Variants in OTUD4 observed in about 807,000 individuals in gnomAD.
OTUD4 encodes the protein OTU deubiquitinase 4.
Under a neutral mutation model 130.4 loss-of-function variants are expected in OTUD4, and 24 were observed. That is an observed-to-expected ratio of 0.18 (90% CI 0.13 to 0.26). OTUD4 has a LOEUF of 0.26. Ranked by LOEUF, OTUD4 falls within the 10% of genes least tolerant of loss-of-function variation. OTUD4 has a pLI of 1.00. For synonymous variants in OTUD4, 420 were observed against 472.5 expected, an observed-to-expected ratio of 0.89 and a Z score of 1.44; for missense variants, 1,031 against 1,329.4, an observed-to-expected ratio of 0.78 and a Z score of 3.49.
intron 3 of OTUD4, among the ~76,000 whole-genome samples, chr4:145,170,617 T>C (rs1000704903): frequency 1.3e-5 from 2 of 152,210 alleles, no homozygotes; most frequent in Non-Finnish European, 2.9e-5. Context: ...ACTTTTTTGT[T>C]ATCTACATTA....
At chr4:145,159,670 A>C (rs746339847) in intron 6 of OTUD4, 35 bp from the exon 7 acceptor site, 1 of 1,605,160 alleles carries the variant, frequency 6.2e-7, no homozygotes, top group South Asian at 1.1e-5. Flanking sequence ...TCCAACATTA[A>C]CTACAGGCAG....
rs1016114669 is a variant in OTUD4, at chr4:145,180,356, AC to A, written c.-384del. Among the ~76,000 whole-genome samples the A allele has an allele frequency of 5.5e-5, 8 of 144,692 alleles. No individual in the cohort carries two copies. Among genetic ancestry groups the A allele is most frequent in the African/African-American group, 7.7e-5 (3 of 39,038 alleles). The allele number at this position is 144,692 out of a possible 152,430, so 94.9% of individuals were successfully genotyped here. On this transcript the variant is annotated 5_prime_UTR_variant, in exon 1 of 21. Coordinates refer to ENST00000447906, the MANE Select transcript of OTUD4 (RefSeq NM_001366057.1). ...CTCCGTACCGGTGTGAAGCGAGAAA[AC>A]CCCCGCCCCTGGCGCGCACGCTGGG...
intron 3 of OTUD4, among the ~76,000 whole-genome samples, chr4:145,169,044 A>C (rs1022496460): frequency 3.9e-5 from 6 of 152,270 alleles, no homozygotes; most frequent in Non-Finnish European, 8.8e-5. Flanking sequence ...CAAATACATA[A>C]GACTACAAAC....
chr4:145,159,175 G>T, intron 7 of OTUD4: 1 of 1,062,412 alleles, frequency 9.4e-7, no homozygotes, highest in Non-Finnish European at 1.1e-6. Context: ...TCATTACTGG[G>T]TATGTGAACA....
In OTUD4 at chr4:145,143,480, TCA is replaced by T. The variant is rs777413565; in HGVS notation, c.1603-37_1603-36del. 4 of 1,253,568 alleles carry T rather than the reference TCA, an allele frequency of 3.2e-6. No homozygotes were observed. In the Admixed American group the frequency reaches 5.2e-5, roughly 16 times the overall value. 77.7% of individuals were successfully genotyped at this position (1,253,568 alleles called of 1,614,324 possible). A position where few individuals can be genotyped will look rare whatever the true frequency, so the allele number is the denominator to read the frequency against. On this transcript the variant is annotated intron_variant, in intron 16 of 20. Coordinates refer to ENST00000447906, the MANE Select transcript of OTUD4 (RefSeq NM_001366057.1). ...CAAAAAAGAAGCAAAGTTTTGTATT[TCA>T]GAGACCCACATTCTGGAATATTGAT...
chr4:145,146,146 T>G, intron 14 of OTUD4, 121 bp downstream of exon 14: 1 of 530,306 alleles, frequency 1.9e-6, no homozygotes, highest in Non-Finnish European at 3.0e-6. Flanking sequence ...AAAAATGTGA[T>G]CTTTAAAGTA....
In OTUD4 at chr4:145,142,344, A is replaced by AGG. The variant is rs1750604642; in HGVS notation, c.1684-12_1684-11dup. ...CATGTTCTGCTGGCTTCTTCAAGAAAGGGGTGAGTGGGGGAAGACAGAAAA... is the reference window on the plus strand; with the variant it reads ...CATGTTCTGCTGGCTTCTTCAAGAAAGGGGGGTGAGTGGGGGAAGACAGAAAA... On this transcript the variant is annotated splice_polypyrimidine_tract_variant and intron_variant, in intron 17 of 20. Transcript: ENST00000447906. 6.2e-7 allele frequency: 1 copy of AGG among 1,613,078 alleles called. No individual in the cohort carries two copies. Among genetic ancestry groups the AGG allele is most frequent in the South Asian group, 1.1e-5 (1 of 90,890 alleles).
intron 19 of OTUD4, among the ~76,000 whole-genome samples, chr4:145,140,953 C>T (rs1433359934): frequency 2.0e-5 from 3 of 151,930 alleles, no homozygotes; most frequent in Non-Finnish European, 4.4e-5. Flanking sequence ...ATTACGAGGT[C>T]GGGAGATCGA....
chr4:145,155,270 T>C (rs753191824), intron 10 of OTUD4, 141 bp downstream of exon 10: 12 of 670,008 alleles, frequency 1.8e-5, no homozygotes, highest in Non-Finnish European at 2.8e-5. Flanking sequence ...ACTTGTAAAC[T>C]ATTAAAATGT....
At chr4:145,140,090 C>T (rs763560287) in intron 19 of OTUD4, 99 bp from the exon 20 acceptor site, 1 of 420,788 alleles carries the variant, frequency 2.4e-6, no homozygotes, top group African/African-American at 2.1e-5. Flanking sequence ...ATTTTACCTA[C>T]TATAATTGTC....
At chr4:145,140,279 C>G (rs1353795494) in intron 19 of OTUD4, among the ~76,000 whole-genome samples, 1 of 152,152 alleles carries the variant, frequency 6.6e-6, no homozygotes, top group Middle Eastern at 3.2e-3. Flanking sequence ...AAAGGACATT[C>G]AGGTGGCTTT....
intron 6 of OTUD4, among the ~76,000 whole-genome samples, chr4:145,161,111 AAACAAC>A (rs70956827): frequency 1.5e-3 from 225 of 150,808 alleles, no homozygotes; most frequent in African/African-American, 4.5e-3. Flanking sequence ...CTCCACCTCA[AAACAAC>A]AACAACAACA....
rs1750379923 is a variant in OTUD4 at position 145,138,218 on chromosome 4, T to C, written c.2557A>G (p.Ile853Val). Residue 853 changes from isoleucine to valine, a missense_variant, in exon 21 of 21, where the codon ATT becomes GTT. This residue lies in a region of OTUD4 where 900 missense variants were observed against 1,095.9 expected (regional missense o/e 0.82). Transcript: ENST00000447906. ...GPNPFLGPVP[I>V]APPFFPHVWY... Reference sequence around the variant, plus strand: ...ACATGAGGAAAGAAAGGAGGTGCAATAGGAACTGGGCCTAAGAATGGATTG... The same window carrying C: ...ACATGAGGAAAGAAAGGAGGTGCAACAGGAACTGGGCCTAAGAATGGATTG... 3.7e-6 allele frequency: 6 copies of C among 1,613,934 alleles called. No homozygotes were observed. The highest frequency in any genetic ancestry group is 5.1e-6 in the Non-Finnish European group (6 of 1,179,856).
chr4:145,155,312 A>G, intron 10 of OTUD4, 99 bp downstream of exon 10: 1 of 899,730 alleles, frequency 1.1e-6, no homozygotes, highest in Middle Eastern at 3.0e-4. Context: ...TGAAATCCCA[A>G]ATTAACAACA....
intron 14 of OTUD4, among the ~76,000 whole-genome samples, chr4:145,144,889 A>G (rs1160271878): frequency 2.0e-5 from 3 of 152,156 alleles, no homozygotes; most frequent in Admixed American, 2.0e-4. Context: ...CTGTCAGCAA[A>G]TCACTTAAAC....
intron 13 of OTUD4, 99 bp downstream of exon 13, chr4:145,150,414 G>C: frequency 1.3e-6 from 1 of 756,798 alleles, no homozygotes; most frequent in South Asian, 1.9e-5. Context: ...ACAATGATAT[G>C]AGTAAAAAGT....
chr4:145,151,422 T>G (rs946538246), intron 11 of OTUD4, among the ~76,000 whole-genome samples: 2 of 151,990 alleles, frequency 1.3e-5, no homozygotes, highest in African/African-American at 2.4e-5. Flanking sequence ...GATCACAAGG[T>G]CAGGGGTTCA....
At position 145,136,475 on chromosome 4, in the gene OTUD4, G is replaced by GC. The variant is rs1412270464; in HGVS notation, c.*954_*955insG. The GC allele has an allele frequency of 2.2e-4, 10 of 44,950 alleles. 3 individuals are homozygous for GC. Among genetic ancestry groups the GC allele is most frequent in the African/African-American group, 8.1e-4 (10 of 12,386 alleles). The allele number at this position is 44,950 out of a possible 1,614,324, so 2.8% of individuals were successfully genotyped here. Reference sequence around the variant, plus strand: ...ACAACCAATGGTGCGGGGGGGGGGGGGAGGAAGAAAACAACTCTAGAAACC... The same window carrying GC: ...ACAACCAATGGTGCGGGGGGGGGGGGCGAGGAAGAAAACAACTCTAGAAACC... On this transcript the variant is annotated 3_prime_UTR_variant, in exon 21 of 21. Coordinates refer to ENST00000447906, the MANE Select transcript of OTUD4 (RefSeq NM_001366057.1).
intron 1 of OTUD4, among the ~76,000 whole-genome samples, chr4:145,178,903 AG>A (rs965831516): frequency 2.3e-4 from 35 of 152,146 alleles, no homozygotes; most frequent in African/African-American, 8.2e-4. Context: ...GGGTGTGGGG[AG>A]CAGGTCCTAG....
Sources: gnomAD v4.1 joint callset for allele counts (sites outside exome capture counted in the v4.1 genomes callset) on GRCh38, gnomAD v4.1.1 for gene constraint, gnomAD v4.1.1 regional missense constraint, MANE v1.5 for transcripts, NCBI Gene and HGNC (gene_info 2026-07-23, HGNC 2026-07-21) for gene names.